Variants in STRBP observed in about 807,000 individuals in gnomAD.
STRBP encodes spermatid perinuclear RNA-binding protein.
Under a neutral mutation model 80.1 loss-of-function variants are expected in STRBP, and 13 were observed. The ratio of observed to expected loss-of-function variants is 0.16; its 90% confidence interval spans 0.11 to 0.26. STRBP has a LOEUF of 0.26. Among genes scored for constraint, STRBP ranks in the 10% least tolerant of loss-of-function variants. The pLI, the probability that STRBP is intolerant of heterozygous loss-of-function variation, is 1.00. For synonymous variants in STRBP, 284 were observed against 291.2 expected (o/e 0.98, Z 0.25); for missense variants, 485 against 815.2 (o/e 0.59, Z 4.93).
intron 4 of STRBP, among the ~76,000 whole-genome samples, chr9:123,177,963 T>C (rs1412755918): frequency 1.3e-5 from 2 of 152,120 alleles, no homozygotes; most frequent in Non-Finnish European, 2.9e-5. Context: ...AACAGTAACA[T>C]TTGTACAGAC....
intron 16 of STRBP, chr9:123,135,714 ACTG>A (rs2036324916): frequency 6.1e-6 from 1 of 164,666 alleles, no homozygotes; most frequent in Admixed American, 6.0e-5. Context: ...CCCAAACTAA[ACTG>A]CTTAGACCTC....
chr9:123,214,989 A>T (rs953367819), intron 2 of STRBP, among the ~76,000 whole-genome samples: 76 of 151,994 alleles, frequency 5.0e-4, no homozygotes, highest in Non-Finnish European at 1.1e-3. Flanking sequence ...TAGTGAGTCC[A>T]CTGTTCCTGG....
intron 1 of STRBP, among the ~76,000 whole-genome samples, chr9:123,249,503 T>C (rs570030426): frequency 1.3e-5 from 2 of 152,008 alleles, no homozygotes; most frequent in East Asian, 3.9e-4. Flanking sequence ...TAGCTGGGCA[T>C]GATGGTGCAT....
intron 4 of STRBP, among the ~76,000 whole-genome samples, chr9:123,176,241 C>T (rs1459039157): frequency 6.6e-6 from 1 of 152,186 alleles, no homozygotes; most frequent in Non-Finnish European, 1.5e-5. Context: ...CAAAACCCTA[C>T]CCCTATCCAT....
Position 123,121,724 on chromosome 9 carries a change from C to T in STRBP, c.*3873G>A, listed in dbSNP as rs1268449821. On this transcript the variant is annotated 3_prime_UTR_variant, in exon 19 of 19. Transcript: ENST00000348403. Reference sequence around the variant, plus strand: ...ACTTTCATTTCTCGGAGAAGTTTTTCTCCTTGAGAAATTGGCACTTTGATC... The same window carrying T: ...ACTTTCATTTCTCGGAGAAGTTTTTTTCCTTGAGAAATTGGCACTTTGATC... 5 of 146,408 alleles carry T rather than the reference C, an allele frequency of 3.4e-5. No individual in the cohort carries two copies. Among genetic ancestry groups the T allele is most frequent in the African/African-American group, 7.6e-5 (3 of 39,484 alleles). 9.1% of individuals were successfully genotyped at this position (146,408 alleles called of 1,614,324 possible). A position where few individuals can be genotyped will look rare whatever the true frequency, so the allele number is the denominator to read the frequency against.
intron 2 of STRBP, among the ~76,000 whole-genome samples, chr9:123,228,499 T>C (rs2040308702): frequency 6.6e-6 from 1 of 152,178 alleles, no homozygotes. Flanking sequence ...CAACATGCAG[T>C]ATCCTGGAAG....
chr9:123,181,987 G>A (rs2038485563), intron 3 of STRBP, among the ~76,000 whole-genome samples: 2 of 151,462 alleles, frequency 1.3e-5, no homozygotes, highest in South Asian at 4.2e-4. Flanking sequence ...TCACGAGGAG[G>A]GTGGATCATC....
intron 2 of STRBP, among the ~76,000 whole-genome samples, chr9:123,189,865 TA>T (rs1016374560): frequency 1.3e-5 from 2 of 151,536 alleles, no homozygotes; most frequent in Non-Finnish European, 2.9e-5. Context: ...AATAAAAATT[TA>T]AAAAAAGAAA....
chr9:123,193,962 T>A (rs10818788), intron 2 of STRBP, among the ~76,000 whole-genome samples: 57,083 of 152,032 alleles, frequency 0.38, 13,180 homozygotes, highest in South Asian at 0.54. Context: ...TAATCAATAG[T>A]TCTAAAGGGA....
At chr9:123,168,329 AT>A in intron 6 of STRBP, 1 of 422,040 alleles carries the variant, frequency 2.4e-6, no homozygotes, top group Non-Finnish European at 3.2e-6. Context: ...CAGCAAAAAA[AT>A]TTTAATGCAT....
intron 2 of STRBP, among the ~76,000 whole-genome samples, chr9:123,215,799 A>C (rs2039878728): frequency 6.6e-6 from 1 of 152,206 alleles, no homozygotes. Flanking sequence ...AAATAAAATA[A>C]ATAAATTCAA....
chr9:123,200,338 T>G (rs1263746628), intron 2 of STRBP, among the ~76,000 whole-genome samples: 1 of 152,180 alleles, frequency 6.6e-6, no homozygotes, highest in Non-Finnish European at 1.5e-5. Context: ...TTGAGGATTT[T>G]TGCATCTATG....
At chr9:123,129,518 A>G (rs1349131687) in intron 17 of STRBP, among the ~76,000 whole-genome samples, 1 of 152,212 alleles carries the variant, frequency 6.6e-6, no homozygotes, top group African/African-American at 2.4e-5. Flanking sequence ...TCTGCTATTC[A>G]GAATGATTTC....
At chr9:123,239,248 G>A (rs1030661888) in intron 1 of STRBP, among the ~76,000 whole-genome samples, 4 of 152,038 alleles carry the variant, frequency 2.6e-5, no homozygotes, top group African/African-American at 9.7e-5. Flanking sequence ...GGTGGCGGGC[G>A]CCTGTAGTCC....
Position 123,124,830 on chromosome 9 carries a change from G to C in STRBP, c.*767C>G. On this transcript the variant is annotated 3_prime_UTR_variant, in exon 19 of 19. Transcript: ENST00000348403. ...TTTAATAAGCAATGCTCAAATAACA[G>C]AATGGAACCTTTATCATGGGGATGG... 1 of 985,408 alleles carries C rather than the reference G, an allele frequency of 1.0e-6. No homozygotes were observed. Among genetic ancestry groups the C allele is most frequent in the Non-Finnish European group, 1.2e-6 (1 of 829,926 alleles). 61.0% of individuals were successfully genotyped at this position (985,408 alleles called of 1,614,324 possible).
intron 1 of STRBP, among the ~76,000 whole-genome samples, chr9:123,261,145 G>A (rs544047276): frequency 1.5e-4 from 23 of 152,172 alleles, no homozygotes; most frequent in Non-Finnish European, 2.8e-4. Context: ...ACCAGGCACT[G>A]TGTGCATACC....
chr9:123,268,023 C>T (rs2041313506), intron 1 of STRBP, among the ~76,000 whole-genome samples: 2 of 151,618 alleles, frequency 1.3e-5, no homozygotes, highest in South Asian at 4.2e-4. Flanking sequence ...TCCGCCTGCC[C>T]CCCGAAGCCT....
rs1223848724 is a variant in STRBP at position 123,248,261 on chromosome 9, G to GTTTT, written c.-301-11299_-301-11296dup. Among the ~76,000 whole-genome samples the GTTTT allele has an allele frequency of 1.5e-3, 110 of 75,434 alleles. 1 individual carries two copies. Among genetic ancestry groups the GTTTT allele is most frequent in the East Asian group, 5.1e-3 (11 of 2,166 alleles). The allele number at this position is 75,434 out of a possible 152,430, so 49.5% of individuals were successfully genotyped here. A position where few individuals can be genotyped will look rare whatever the true frequency, so the allele number is the denominator to read the frequency against. ...AACAGACTTCTCCCACCCCTATCGT[G>GTTTT]TTTTTTTTTTTTTTTTTTTTTTTTG... On this transcript the variant is annotated intron_variant, in intron 1 of 18. Transcript: ENST00000348403.
chr9:123,222,041 A>G (rs1165372271), intron 2 of STRBP, among the ~76,000 whole-genome samples: 7 of 152,160 alleles, frequency 4.6e-5, no homozygotes, highest in Non-Finnish European at 7.3e-5. Context: ...CTCATTATAT[A>G]ATTCCTTTTA....
Sources: allele counts gnomAD v4.1 joint callset (sites outside exome capture counted in the v4.1 genomes callset), GRCh38; gene constraint gnomAD v4.1.1; transcripts MANE v1.5; gene names NCBI Gene and HGNC (gene_info 2026-07-23, HGNC 2026-07-21).